Variants in CCDC196 observed in about 807,000 individuals in gnomAD.
CCDC196 encodes the protein coiled-coil domain containing 196.
intron 8 of CCDC196, 60 bp from the exon 9 acceptor site, chr14:66,498,049 T>TG: frequency 1.0e-5 from 4 of 396,472 alleles, no homozygotes; most frequent in Non-Finnish European, 1.3e-5. Flanking sequence ...ACAAAACTAG[T>TG]GGTTTTTTTT....
At chr14:66,497,661 A>C (rs1192706783) in intron 8 of CCDC196, among the ~76,000 whole-genome samples, 2 of 152,064 alleles carry the variant, frequency 1.3e-5, no homozygotes, top group Non-Finnish European at 2.9e-5. Context: ...TTAGCACCCT[A>C]TAATTCTCCC....
intron 9 of CCDC196, 35 bp downstream of exon 9, chr14:66,498,202 G>A (rs914789991): frequency 4.8e-5 from 20 of 412,694 alleles, no homozygotes; most frequent in Middle Eastern, 6.2e-4. Context: ...ACAAAAAATC[G>A]TTTTAAGGGC....
chr14:66,490,902 T>C, intron 5 of CCDC196, 83 bp downstream of exon 5: 1 of 410,008 alleles, frequency 2.4e-6, no homozygotes, highest in African/African-American at 2.1e-5. Flanking sequence ...CAGGGCTAAT[T>C]TGGGTAGGCA....
chr14:66,495,170 C>A (rs894201714), intron 8 of CCDC196, among the ~76,000 whole-genome samples: 1 of 152,162 alleles, frequency 6.6e-6, no homozygotes, highest in Non-Finnish European at 1.5e-5. Flanking sequence ...CTTGTCCCAA[C>A]ACCGAAATTT....
intron 8 of CCDC196, among the ~76,000 whole-genome samples, chr14:66,494,335 T>C (rs1801524272): frequency 1.3e-5 from 2 of 152,240 alleles, no homozygotes; most frequent in African/African-American, 2.4e-5. Flanking sequence ...ATTTTGGTTA[T>C]GTGGCCTATT....
intron 8 of CCDC196, 121 bp downstream of exon 8, chr14:66,492,315 T>C (rs1012009407): frequency 3.3e-5 from 13 of 396,068 alleles, no homozygotes; most frequent in Admixed American, 9.1e-5. Flanking sequence ...ATGTTAGTAG[T>C]ACAGTAATTA....
intron 4 of CCDC196, among the ~76,000 whole-genome samples, chr14:66,490,229 C>G (rs184400575): frequency 6.6e-6 from 1 of 151,952 alleles, no homozygotes; most frequent in East Asian, 1.9e-4. Flanking sequence ...CATCTATACA[C>G]TTAACCTGTG....
intron 8 of CCDC196, among the ~76,000 whole-genome samples, chr14:66,497,461 T>C (rs1026451549): frequency 6.6e-6 from 1 of 152,104 alleles, no homozygotes; most frequent in Non-Finnish European, 1.5e-5. Flanking sequence ...TTATCATATT[T>C]AGCAAATAAA....
In CCDC196 at chr14:66,495,184, C is replaced by T. The variant is rs561323286; in HGVS notation, c.716-2925C>T. The stretch of plus-strand genomic sequence containing the variant: ...CCTTGTCCCAACACCGAAATTTATC[C>T]CAATTGCCACCTAAAATCATCTCAT... On this transcript the variant is annotated intron_variant, in intron 8 of 9. Coordinates refer to ENST00000636229, the MANE Select transcript of CCDC196 (RefSeq NM_001351576.1). Among the ~76,000 whole-genome samples, 11 of 152,104 alleles carry T rather than the reference C, an allele frequency of 7.2e-5. No homozygotes were observed. The South Asian group carries it at 1.7e-3, about 23-fold the overall frequency.
At position 66,491,020 on chromosome 14, in the gene CCDC196, G is replaced by A. The variant is rs1362468423; in HGVS notation, c.430-1G>A. ...CCTTTAGCTCTCTTCTTTCATCCCA[G>A]GCTCCCAAATCCCCCTCATCACCTA... On this transcript the variant is annotated splice_acceptor_variant, in intron 5 of 9. Coordinates refer to ENST00000636229, the MANE Select transcript of CCDC196 (RefSeq NM_001351576.1). LOFTEE classifies it high-confidence loss of function. 2.4e-6 allele frequency: 1 copy of A among 413,314 alleles called. No individual in the cohort carries two copies. The highest frequency in any genetic ancestry group is 3.6e-5 in the East Asian group (1 of 28,090). 25.6% of individuals were successfully genotyped at this position (413,314 alleles called of 1,614,324 possible).
intron 5 of CCDC196, 47 bp downstream of exon 5, chr14:66,490,866 A>T: frequency 2.5e-6 from 1 of 405,020 alleles, no homozygotes; most frequent in Non-Finnish European, 4.4e-6. Context: ...TCGATGTCAC[A>T]CAGCTGGAAA....
intron 6 of CCDC196, 160 bp from the exon 7 acceptor site, chr14:66,491,466 T>G (rs1477578747): frequency 2.4e-6 from 1 of 408,524 alleles, no homozygotes; most frequent in Non-Finnish European, 4.4e-6. Context: ...AGAGGATGGC[T>G]TGTACAGTTG....
chr14:66,492,443 G>A (rs2057563734), intron 8 of CCDC196, among the ~76,000 whole-genome samples: 1 of 151,150 alleles, frequency 6.6e-6, no homozygotes, highest in South Asian at 2.1e-4. Context: ...CCCAGTTCAA[G>A]CAATTCTCCT....
In CCDC196 at chr14:66,486,822, A is replaced by T; in HGVS notation, c.203+13A>T. The stretch of plus-strand genomic sequence containing the variant: ...AAAAACAAAGGAGGTACGGGCTCTT[A>T]CTCTGGATTCCTAGAGGTAAAAAGG... On this transcript the variant is annotated intron_variant, in intron 2 of 9. Coordinates refer to ENST00000636229, the MANE Select transcript of CCDC196 (RefSeq NM_001351576.1). The T allele has an allele frequency of 7.3e-6, 3 of 412,878 alleles. No individual in the cohort carries two copies. The Admixed American group carries it at 1.3e-4, about 18-fold the overall frequency. 25.6% of individuals were successfully genotyped at this position (412,878 alleles called of 1,614,324 possible).
chr14:66,496,987 T>C (rs1467360646), intron 8 of CCDC196: 2 of 152,266 alleles, frequency 1.3e-5, no homozygotes, highest in African/African-American at 4.8e-5. Context: ...TCATTCTTCC[T>C]GGCTTTAACC....
intron 2 of CCDC196, 102 bp from the exon 3 acceptor site, chr14:66,488,058 G>A (rs987421261): frequency 2.5e-5 from 10 of 403,024 alleles, no homozygotes; most frequent in African/African-American, 6.2e-5. Flanking sequence ...TATTTCAGTC[G>A]CCATCTAACT....
chr14:66,496,345 G>C, intron 8 of CCDC196: 1 of 456,186 alleles, frequency 2.2e-6, no homozygotes, highest in Non-Finnish European at 4.4e-6. Context: ...CTGTGTAGCT[G>C]GCAAAATACA....
At chr14:66,496,332 G>C (rs1213409061) in intron 8 of CCDC196, 1 of 456,130 alleles carries the variant, frequency 2.2e-6, no homozygotes, top group Non-Finnish European at 4.4e-6. Flanking sequence ...GCAGTGGTAT[G>C]ATCTGTGTAG....
At chr14:66,491,479 G>A in intron 6 of CCDC196, 147 bp from the exon 7 acceptor site, 1 of 409,402 alleles carries the variant, frequency 2.4e-6, no homozygotes, top group Non-Finnish European at 4.4e-6. Context: ...TACAGTTGAG[G>A]CCAATTAAGA....
Sources: gnomAD v4.1 joint callset for allele counts (sites outside exome capture counted in the v4.1 genomes callset) on GRCh38, gnomAD v4.1.1 for gene constraint, MANE v1.5 for transcripts, NCBI Gene and HGNC (gene_info 2026-07-23, HGNC 2026-07-21) for gene names.